The following LSAMP variants were observed in gnomAD, a reference collection of about 807,000 sequenced individuals.
The protein encoded by LSAMP is limbic system associated membrane protein.
Under a neutral mutation model 38.6 loss-of-function variants are expected in LSAMP, and 7 were observed. The observed-to-expected ratio is 0.18, with a 90% confidence interval of 0.10 to 0.34. The LOEUF (loss-of-function observed/expected upper bound fraction) is 0.34. Ranked by LOEUF, LSAMP falls within the 10% of genes least tolerant of loss-of-function variation. LSAMP has a pLI of 1.00. For missense variants in LSAMP, 313 were observed against 420.0 expected (o/e 0.75, Z 2.23); for synonymous variants, 154 against 166.8 (o/e 0.92, Z 0.59).
At chr3:115,935,519 A>G (rs1041800918) in intron 3 of LSAMP, among the ~76,000 whole-genome samples, 2 of 152,198 alleles carry the variant, frequency 1.3e-5, no homozygotes, top group African/African-American at 4.8e-5. Flanking sequence ...TAGGTATCGG[A>G]GGCTCTGCTA....
At chr3:116,295,939 A>T (rs2047327133) in intron 1 of LSAMP, among the ~76,000 whole-genome samples, 2 of 152,208 alleles carry the variant, frequency 1.3e-5, no homozygotes, top group African/African-American at 2.4e-5. Flanking sequence ...ACTTGCTTGT[A>T]TAAATTTGGA....
chr3:116,052,369 CGTT>C (rs1288378875), intron 2 of LSAMP, among the ~76,000 whole-genome samples: 3 of 152,074 alleles, frequency 2.0e-5, no homozygotes, highest in African/African-American at 7.2e-5. Context: ...TCAGAAGAAA[CGTT>C]GTATGTGTTT....
intron 6 of LSAMP, among the ~76,000 whole-genome samples, chr3:115,811,630 T>G (rs1486766127): frequency 2.6e-5 from 4 of 152,084 alleles, no homozygotes; most frequent in Non-Finnish European, 4.4e-5. Context: ...TCCCCTGGTA[T>G]GTGAATTTTT....
At chr3:115,908,090 T>C (rs917168318) in intron 3 of LSAMP, among the ~76,000 whole-genome samples, 5 of 151,930 alleles carry the variant, frequency 3.3e-5, no homozygotes, top group Non-Finnish European at 7.4e-5. Context: ...AAGAAAGATA[T>C]ATATATATAT....
intron 2 of LSAMP, among the ~76,000 whole-genome samples, chr3:116,037,696 A>G (rs1206813332): frequency 6.6e-6 from 1 of 152,102 alleles, no homozygotes; most frequent in Non-Finnish European, 1.5e-5. Flanking sequence ...GTATGGTAAC[A>G]TTACTGATTT....
intron 3 of LSAMP, among the ~76,000 whole-genome samples, chr3:115,923,204 C>G (rs1457844121): frequency 6.6e-6 from 1 of 152,162 alleles, no homozygotes; most frequent in Non-Finnish European, 1.5e-5. Flanking sequence ...GAGACAGAAA[C>G]CAATCATTTG....
chr3:115,959,619 T>C (rs1043939095), intron 3 of LSAMP, among the ~76,000 whole-genome samples: 11 of 152,286 alleles, frequency 7.2e-5, no homozygotes, highest in African/African-American at 2.6e-4. Flanking sequence ...TGACCTCAGA[T>C]AACCTGCTTA....
At chr3:115,959,555 G>A (rs1285955721) in intron 3 of LSAMP, among the ~76,000 whole-genome samples, 1 of 152,120 alleles carries the variant, frequency 6.6e-6, no homozygotes, top group East Asian at 1.9e-4. Context: ...GTAGTAGTTC[G>A]GAGCATGTGT....
rs1468330348 is a variant in LSAMP, at chr3:116,062,650, G to A, written c.388+23674C>T. 2.0e-5 allele frequency among the ~76,000 whole-genome samples: 3 copies of A among 152,210 alleles called. No individual in the cohort carries two copies. In the East Asian group the frequency reaches 5.8e-4, roughly 29 times the overall value. ...TGTGCCAGTTATGTAACAGTCTTCT[G>A]CGAGCTTTTCAGAAAATTTATTTTT... On this transcript the variant is annotated intron_variant, in intron 2 of 6. Coordinates refer to ENST00000490035, the MANE Select transcript of LSAMP (RefSeq NM_002338.5).
In LSAMP at chr3:115,842,525, C is replaced by T. The variant is rs771474218; in HGVS notation, c.703G>A (p.Ala235Thr). The T allele has an allele frequency of 4.3e-6, 7 of 1,613,936 alleles. No individual in the cohort carries two copies. In the East Asian group the frequency reaches 1.6e-4, roughly 36 times the overall value. Reference protein sequence around the residue: ...KSNEATTGRQASLKCEASAVP... With the variant: ...KSNEATTGRQTSLKCEASAVP... ...GCCGAGGCCTCACATTTGAGTGAAGCTTGTCGTCCTGTGGTGGCTTCATTG... is the reference window on the plus strand; with the variant it reads ...GCCGAGGCCTCACATTTGAGTGAAGTTTGTCGTCCTGTGGTGGCTTCATTG... Residue 235 changes from alanine to threonine, a missense_variant, in exon 5 of 7, where the codon GCT (alanine) becomes ACT (threonine). By Grantham distance (58) the Ala-to-Thr change is moderately conservative. Transcript: ENST00000490035.
intron 2 of LSAMP, among the ~76,000 whole-genome samples, chr3:116,035,842 G>A (rs566239307): frequency 2.0e-5 from 3 of 152,212 alleles, no homozygotes; most frequent in Non-Finnish European, 4.4e-5. Flanking sequence ...TGCTCACCAA[G>A]TATCTATGTT....
At chr3:115,919,852 T>G (rs1465916527) in intron 3 of LSAMP, among the ~76,000 whole-genome samples, 2 of 152,182 alleles carry the variant, frequency 1.3e-5, no homozygotes, top group African/African-American at 2.4e-5. Flanking sequence ...CCTCAGGTGA[T>G]CCACTCACTT....
At chr3:116,222,928 T>C (rs936723213) in intron 1 of LSAMP, among the ~76,000 whole-genome samples, 2 of 151,360 alleles carry the variant, frequency 1.3e-5, no homozygotes, top group African/African-American at 4.9e-5. Flanking sequence ...TTAGTAGAGA[T>C]GGGGTTTCAC....
At chr3:116,281,664 A>C (rs796229695) in intron 1 of LSAMP, among the ~76,000 whole-genome samples, 1 of 152,198 alleles carries the variant, frequency 6.6e-6, no homozygotes, top group East Asian at 1.9e-4. Flanking sequence ...CACAAATACA[A>C]ATCTAAGAGC....
chr3:115,918,089 C>T (rs1224865943), intron 3 of LSAMP, among the ~76,000 whole-genome samples: 1 of 152,152 alleles, frequency 6.6e-6, no homozygotes, highest in African/African-American at 2.4e-5. Context: ...TATCTACTGA[C>T]CTCTCTGGCC....
intron 3 of LSAMP, among the ~76,000 whole-genome samples, chr3:116,009,928 T>C (rs1458418678): frequency 6.6e-6 from 1 of 152,158 alleles, no homozygotes; most frequent in Non-Finnish European, 1.5e-5. Flanking sequence ...TTTGTTGTTG[T>C]TGTTTTGAGA....
Position 116,153,547 on chromosome 3 carries a change from C to T in LSAMP, c.156-66991G>A, listed in dbSNP as rs1576396705. 3.9e-5 allele frequency among the ~76,000 whole-genome samples: 6 copies of T among 152,240 alleles called. No individual in the cohort carries two copies. In the South Asian group the frequency reaches 1.2e-3, roughly 32 times the overall value. ...AGGGCTGGAAAGACCACACATATCT[C>T]ACAAATTCGTGGAAAACTATGTGTC... On this transcript the variant is annotated intron_variant, in intron 1 of 6. Transcript: ENST00000490035.
chr3:115,862,889 G>A (rs1031909465), intron 3 of LSAMP, among the ~76,000 whole-genome samples: 4 of 152,200 alleles, frequency 2.6e-5, no homozygotes, highest in Admixed American at 2.6e-4. Context: ...CAGCTGCAGT[G>A]TCAGGAGCGC....
chr3:115,834,474 G>A lies in LSAMP; in HGVS notation c.919+7371C>T. 3.0e-6 allele frequency: 3 copies of A among 988,600 alleles called. No homozygotes were observed. In the South Asian group the frequency reaches 4.0e-5, roughly 13 times the overall value. The allele number at this position is 988,600 out of a possible 1,614,324, so 61.2% of individuals were successfully genotyped here. A position where few individuals can be genotyped will look rare whatever the true frequency, so the allele number is the denominator to read the frequency against. On this transcript the variant is annotated intron_variant, in intron 6 of 6. Coordinates refer to ENST00000490035, the MANE Select transcript of LSAMP (RefSeq NM_002338.5). Reference sequence around the variant, plus strand: ...TATATTGTATGTGAATTTTTTGAATGTGTTTTCCCCCCTTTGTGTGTTTTG... The same window carrying A: ...TATATTGTATGTGAATTTTTTGAATATGTTTTCCCCCCTTTGTGTGTTTTG...
Sources: allele counts gnomAD v4.1 joint callset (sites outside exome capture counted in the v4.1 genomes callset), GRCh38; gene constraint gnomAD v4.1.1; transcripts MANE v1.5; gene names NCBI Gene and HGNC (gene_info 2026-07-23, HGNC 2026-07-21).